The following BCKDHB variants were observed in gnomAD, a reference collection of about 807,000 sequenced individuals.
The protein encoded by BCKDHB is 2-oxoisovalerate dehydrogenase subunit beta, mitochondrial.
Under a neutral mutation model 48.5 loss-of-function variants are expected in BCKDHB, and 41 were observed. That is an observed-to-expected ratio of 0.85 (90% confidence interval 0.66 to 1.10). BCKDHB has a LOEUF of 1.10. Ranked by LOEUF, BCKDHB falls within the 50% of genes least tolerant of loss-of-function variation. The pLI is 0.00. For synonymous variants in BCKDHB, 201 were observed against 174.8 expected, an observed-to-expected ratio of 1.15 and a Z score of -1.18; for missense variants, 496 against 494.2, an observed-to-expected ratio of 1.00 and a Z score of -0.03.
At chr6:80,420,001 A>G in the BCKDHB span, among the ~76,000 whole-genome samples, 1 of 152,034 alleles carries the variant, frequency 6.6e-6, no homozygotes, top group African/African-American at 2.4e-5. Flanking sequence ...GTTCTTTTTT[A>G]TAGCTTCTAT....
At chr6:80,419,391 G>A in the BCKDHB span, among the ~76,000 whole-genome samples, 1 of 152,098 alleles carries the variant, frequency 6.6e-6, no homozygotes, top group Non-Finnish European at 1.5e-5. Context: ...GCCAGGCTGG[G>A]GCCCCAGGAG....
At chr6:80,385,705 A>G in the BCKDHB span, among the ~76,000 whole-genome samples, 1 of 152,214 alleles carries the variant, frequency 6.6e-6, no homozygotes, top group Non-Finnish European at 1.5e-5. Flanking sequence ...TAATTAGACT[A>G]AAGTCCTGGT....
chr6:80,388,329 T>G, the BCKDHB span, among the ~76,000 whole-genome samples: 2 of 151,878 alleles, frequency 1.3e-5, no homozygotes, highest in Non-Finnish European at 2.9e-5. Context: ...TTGGCAGGCC[T>G]CCATAGGTCA....
intron 6 of BCKDHB, among the ~76,000 whole-genome samples, chr6:80,193,707 G>A (rs1477910048): frequency 1.4e-5 from 2 of 145,488 alleles, no homozygotes; most frequent in Admixed American, 6.8e-5. Flanking sequence ...GCAACAGAGC[G>A]AGACTCTGTC....
chr6:80,210,946 G>T (rs1774905338), intron 8 of BCKDHB, among the ~76,000 whole-genome samples: 1 of 152,156 alleles, frequency 6.6e-6, no homozygotes. Flanking sequence ...CAGTGGCCAG[G>T]CCGAATAGCT....
At chr6:80,357,768 C>T in the BCKDHB span, among the ~76,000 whole-genome samples, 1 of 152,212 alleles carries the variant, frequency 6.6e-6, no homozygotes, top group Non-Finnish European at 1.5e-5. Context: ...CAACGATGCT[C>T]TGAAAGTCTT....
At chr6:80,436,161 T>C in the BCKDHB span, among the ~76,000 whole-genome samples, 1 of 122,814 alleles carries the variant, frequency 8.1e-6, no homozygotes, top group African/African-American at 3.3e-5. Flanking sequence ...TTTTTTTTTT[T>C]TTTTTTTTTT....
At chr6:80,360,358 CATT>C in the BCKDHB span, among the ~76,000 whole-genome samples, 4 of 152,154 alleles carry the variant, frequency 2.6e-5, no homozygotes, top group South Asian at 6.2e-4. Flanking sequence ...TCGTTGACAT[CATT>C]GATTCCCAGC....
At chr6:80,442,111 C>A in the BCKDHB span, among the ~76,000 whole-genome samples, 2 of 152,116 alleles carry the variant, frequency 1.3e-5, no homozygotes, top group Admixed American at 1.3e-4. Flanking sequence ...AACTTATCTT[C>A]AATTCAGTCA....
At chr6:80,156,920 T>C (rs1405831833) in intron 3 of BCKDHB, among the ~76,000 whole-genome samples, 1 of 152,228 alleles carries the variant, frequency 6.6e-6, no homozygotes, top group Admixed American at 6.5e-5. Context: ...TGTATTTAAT[T>C]TATAAATTTG....
At chr6:80,460,507 G>C in the BCKDHB span, among the ~76,000 whole-genome samples, 1 of 152,124 alleles carries the variant, frequency 6.6e-6, no homozygotes, top group Admixed American at 6.5e-5. Flanking sequence ...GAATGCCCAA[G>C]CATTGGCTCA....
At chr6:80,419,600 G>T in the BCKDHB span, among the ~76,000 whole-genome samples, 1 of 152,154 alleles carries the variant, frequency 6.6e-6, no homozygotes, top group Non-Finnish European at 1.5e-5. Flanking sequence ...CATATCAATT[G>T]GCTTGCTACC....
At chr6:80,166,115 A>G (rs535481695) in intron 3 of BCKDHB, among the ~76,000 whole-genome samples, 2 of 152,306 alleles carry the variant, frequency 1.3e-5, no homozygotes, top group South Asian at 2.1e-4. Flanking sequence ...TTCAAGAGTC[A>G]AGACTCCAGT....
At chr6:80,288,859 G>T (rs1766763984) in intron 9 of BCKDHB, among the ~76,000 whole-genome samples, 1 of 151,906 alleles carries the variant, frequency 6.6e-6, no homozygotes, top group Admixed American at 6.6e-5. Context: ...TTCATTGCCT[G>T]GTCTTTGTTC....
At chr6:80,214,127 C>G (rs1457314815) in intron 8 of BCKDHB, among the ~76,000 whole-genome samples, 2 of 152,114 alleles carry the variant, frequency 1.3e-5, no homozygotes, top group Non-Finnish European at 2.9e-5. Context: ...TGGAGACGAT[C>G]AGGGAGCAGA....
chr6:80,197,934 TCATCCATCCATCCATCCATCCATCCATC>T, intron 6 of BCKDHB, among the ~76,000 whole-genome samples: 1 of 148,978 alleles, frequency 6.7e-6, no homozygotes, highest in South Asian at 2.2e-4. Context: ...ATCCATCTGT[TCATCCATCCATCCATCCATCCATCCATC>T]CATCCATCCA....
At chr6:80,240,463 CTGTT>C (rs1371549197) in intron 8 of BCKDHB, among the ~76,000 whole-genome samples, 10 of 152,086 alleles carry the variant, frequency 6.6e-5, no homozygotes, top group East Asian at 1.9e-4. Flanking sequence ...ATTTGGCTCT[CTGTT>C]TGTCTGTTAT....
intron 3 of BCKDHB, among the ~76,000 whole-genome samples, chr6:80,167,019 TG>T: frequency 6.6e-6 from 1 of 152,320 alleles, no homozygotes; most frequent in East Asian, 1.9e-4. Flanking sequence ...TTTGTCCATT[TG>T]TCCTTTTAGT....
intron 1 of BCKDHB, among the ~76,000 whole-genome samples, chr6:80,116,907 T>C (rs1002554270): frequency 6.6e-6 from 1 of 152,202 alleles, no homozygotes; most frequent in African/African-American, 2.4e-5. Context: ...GCACATGCTA[T>C]AAGTAGGTTT....
Sources: gnomAD v4.1 joint callset for allele counts (sites outside exome capture counted in the v4.1 genomes callset) on GRCh38, gnomAD v4.1.1 for gene constraint, MANE v1.5 for transcripts, NCBI Gene and HGNC (gene_info 2026-07-23, HGNC 2026-07-21) for gene names.